Variants in COL9A1 observed in about 807,000 individuals in gnomAD.
COL9A1 encodes collagen type IX alpha 1 chain.
COL9A1 carries 104 observed loss-of-function variants against 142.6 expected under a neutral mutation model. The ratio of observed to expected loss-of-function variants is 0.73; its 90% CI spans 0.62 to 0.86. The LOEUF (loss-of-function observed/expected upper bound fraction) is 0.86. Among genes scored for constraint, COL9A1 ranks in the 40% least tolerant of loss-of-function variants. COL9A1 has a pLI of 0.00. For synonymous variants in COL9A1, 466 were observed against 396.0 expected (o/e 1.18, Z -2.10); for missense variants, 1,210 against 1,176.6 (o/e 1.03, Z -0.42).
intron 17 of COL9A1, among the ~76,000 whole-genome samples, chr6:70,267,614 G>C (rs377424282): frequency 2.6e-5 from 4 of 152,128 alleles, no homozygotes; most frequent in African/African-American, 9.7e-5. Context: ...GAGCCACCGC[G>C]CCCGGCCTAC....
chr6:70,229,675 A>C (rs938137833), intron 36 of COL9A1, among the ~76,000 whole-genome samples: 8 of 152,188 alleles, frequency 5.3e-5, no homozygotes, highest in African/African-American at 1.7e-4. Flanking sequence ...CAAACTGTGA[A>C]TATTTAAAAC....
intron 10 of COL9A1, among the ~76,000 whole-genome samples, chr6:70,277,091 C>G (rs1278605683): frequency 1.3e-5 from 2 of 152,174 alleles, no homozygotes; most frequent in African/African-American, 2.4e-5. Context: ...AAATACATAG[C>G]ACCTAACCTC....
At chr6:70,226,703 T>G (rs1046210366) in intron 36 of COL9A1, among the ~76,000 whole-genome samples, 1 of 152,034 alleles carries the variant, frequency 6.6e-6, no homozygotes, top group African/African-American at 2.4e-5. Context: ...AGTTTAACAT[T>G]TCTAAAGGAC....
intron 5 of COL9A1, among the ~76,000 whole-genome samples, chr6:70,286,165 G>A (rs537512699): frequency 6.6e-6 from 1 of 152,270 alleles, no homozygotes; most frequent in East Asian, 1.9e-4. Flanking sequence ...GGGATTATAA[G>A]GTGTGAGCCA....
At chr6:70,277,691 A>G (rs1452392343) in intron 10 of COL9A1, among the ~76,000 whole-genome samples, 3 of 152,232 alleles carry the variant, frequency 2.0e-5, no homozygotes, top group Non-Finnish European at 4.4e-5. Context: ...CATGACTGCT[A>G]TGACTCATTT....
At chr6:70,254,104 A>G (rs1373552701) in intron 25 of COL9A1, among the ~76,000 whole-genome samples, 1 of 152,152 alleles carries the variant, frequency 6.6e-6, no homozygotes, top group Non-Finnish European at 1.5e-5. Flanking sequence ...ACCTGAGTAT[A>G]CTCTCAGCAC....
intron 21 of COL9A1, 122 bp downstream of exon 21, chr6:70,256,646 A>G (rs1201795811): frequency 1.5e-6 from 1 of 681,114 alleles, no homozygotes; most frequent in Middle Eastern, 2.9e-4. Context: ...TTAAACATAT[A>G]TATATAAATT....
rs1554241913 is a variant in COL9A1 at position 70,267,328 on chromosome 6, T to TTTTTTTTTTG, written c.1288-559_1288-558insCAAAAAAAAA. 8.1e-5 allele frequency among the ~76,000 whole-genome samples: 6 copies of TTTTTTTTTTG among 74,068 alleles called. 1 individual carries two copies. The highest frequency in any genetic ancestry group is 1.8e-4 in the Non-Finnish European group (6 of 33,978). 48.6% of individuals were successfully genotyped at this position (74,068 alleles called of 152,430 possible). ...TGTTGTTGTTTGTTTGGTTTTTTTG[T>TTTTTTTTTTG]TTTTTTTTTTTGAGATGGAGCTTCG... On this transcript the variant is annotated intron_variant, in intron 17 of 37. Transcript: ENST00000357250.
At chr6:70,241,571 G>A in intron 30 of COL9A1, 117 bp from the exon 31 acceptor site, 2 of 836,834 alleles carry the variant, frequency 2.4e-6, no homozygotes, top group Non-Finnish European at 4.0e-6. Context: ...GGGAGAGGAC[G>A]TTCCCACTCC....
chr6:70,272,157 A>G (rs1354288130), intron 12 of COL9A1, 69 bp from the exon 13 acceptor site: 1 of 1,281,222 alleles, frequency 7.8e-7, no homozygotes, highest in Non-Finnish European at 1.1e-6. Flanking sequence ...ATGTAGACAT[A>G]ACTCAGCTAA....
chr6:70,245,797 A>G (rs1770563396), intron 28 of COL9A1: 2 of 152,140 alleles, frequency 1.3e-5, no homozygotes, highest in African/African-American at 4.8e-5. Flanking sequence ...TCTACTAAAC[A>G]TACAAAAATT....
chr6:70,267,142 C>G (rs944864946), intron 17 of COL9A1, among the ~76,000 whole-genome samples: 1 of 152,114 alleles, frequency 6.6e-6, no homozygotes, highest in Non-Finnish European at 1.5e-5. Flanking sequence ...GAAGTGACAG[C>G]CTTGACCAAG....
intron 5 of COL9A1, among the ~76,000 whole-genome samples, chr6:70,292,543 G>T (rs1047112486): frequency 3.3e-5 from 5 of 152,122 alleles, no homozygotes; most frequent in African/African-American, 1.2e-4. Context: ...GACATTATTG[G>T]CAAGGCTATA....
chr6:70,257,795 C>T (rs907202455), intron 20 of COL9A1, among the ~76,000 whole-genome samples: 1 of 148,206 alleles, frequency 6.7e-6, no homozygotes, highest in African/African-American at 2.4e-5. Flanking sequence ...TGGAGCCACT[C>T]TAAGAACAGC....
In COL9A1 at chr6:70,281,467, G is replaced by A; in HGVS notation, c.802-3C>T. The A allele has an allele frequency of 1.9e-6, 3 of 1,610,288 alleles. No homozygotes were observed. The highest frequency in any genetic ancestry group is 2.5e-6 in the Non-Finnish European group (3 of 1,178,634). On this transcript the variant is annotated splice_polypyrimidine_tract_variant and splice_region_variant and intron_variant, in intron 7 of 37. Coordinates refer to ENST00000357250, the MANE Select transcript of COL9A1 (RefSeq NM_001851.6). ...CCCTGCTCACCCGGGGGACCTCTCT[G>A]GCAAAAATAGCAGACATAGGTTAGT... is the stretch of plus-strand genomic sequence containing the variant.
rs891118219 is a variant in COL9A1 at position 70,281,442 on chromosome 6, C to G, written c.824G>C (p.Gly275Ala). The G allele has an allele frequency of 4.3e-6, 7 of 1,612,836 alleles. No homozygotes were observed. In the African/African-American group the frequency reaches 6.7e-5, roughly 15 times the overall value. Residue 275 changes from glycine (G) to alanine (A), a missense_variant, in exon 8 of 38, where the codon GGT (glycine) becomes GCT (alanine). Physicochemically the swap from Gly to Ala is moderately conservative, Grantham distance 60. Coordinates refer to ENST00000357250, the MANE Select transcript of COL9A1 (RefSeq NM_001851.6). ...TDERGPPGEQ[G>A]PPGPPGPPGV... is the part of the protein sequence containing the mutation. Reference sequence around the variant, plus strand: ...AGGGGGGCCCGGAGGCCCGGGAGGACCCTGCTCACCCGGGGGACCTCTCTG... The same window carrying G: ...AGGGGGGCCCGGAGGCCCGGGAGGAGCCTGCTCACCCGGGGGACCTCTCTG...
intron 6 of COL9A1, chr6:70,283,186 G>A: frequency 3.4e-6 from 5 of 1,491,760 alleles, no homozygotes; most frequent in Middle Eastern, 2.4e-4. Flanking sequence ...GGTTGCCAAA[G>A]CGTCCAGGCC....
chr6:70,296,791 T>G (rs1374551796), intron 4 of COL9A1, among the ~76,000 whole-genome samples: 1 of 152,146 alleles, frequency 6.6e-6, no homozygotes, highest in Non-Finnish European at 1.5e-5. Context: ...TTTTGATTTT[T>G]ATTTTTAATT....
intron 5 of COL9A1, among the ~76,000 whole-genome samples, chr6:70,285,890 T>C (rs991287253): frequency 6.6e-6 from 1 of 152,204 alleles, no homozygotes; most frequent in South Asian, 2.1e-4. Context: ...TCTTTCTTTC[T>C]TTCTTTTTTA....
Sources: gnomAD v4.1 joint callset for allele counts (sites outside exome capture counted in the v4.1 genomes callset) on GRCh38, gnomAD v4.1.1 for gene constraint, MANE v1.5 for transcripts, NCBI Gene and HGNC (gene_info 2026-07-23, HGNC 2026-07-21) for gene names.